C1orf185: variants seen among roughly 807,000 people sequenced by gnomAD.
C1orf185 encodes the protein chromosome 1 open reading frame 185, also known as uncharacterized protein C1orf185.
C1orf185 carries 13 observed loss-of-function variants against 16.1 expected under a neutral mutation model. The observed-to-expected ratio is 0.81, with a 90% CI of 0.53 to 1.28. C1orf185 has a LOEUF of 1.28. Ranked by LOEUF, C1orf185 falls within the 50% of genes most tolerant of loss-of-function variation. C1orf185 has a pLI of 0.00. For synonymous variants in C1orf185, 80 were observed against 76.9 expected (o/e 1.04, Z -0.21); for missense variants, 220 against 225.2 (o/e 0.98, Z 0.15).
chr1:51,137,092 G>A (rs1646330869), intron 3 of C1orf185, among the ~76,000 whole-genome samples: 1 of 152,110 alleles, frequency 6.6e-6, no homozygotes, highest in Non-Finnish European at 1.5e-5. Flanking sequence ...TAAAAAGTGA[G>A]GAAAGGACAT....
At chr1:51,132,266 A>G (rs1000761917) in intron 3 of C1orf185, among the ~76,000 whole-genome samples, 1 of 152,220 alleles carries the variant, frequency 6.6e-6, no homozygotes, top group Non-Finnish European at 1.5e-5. Flanking sequence ...CAGAAATAGA[A>G]TTCAGAATAT....
intron 4 of C1orf185, among the ~76,000 whole-genome samples, chr1:51,147,193 G>A (rs1646406195): frequency 6.6e-6 from 1 of 152,088 alleles, no homozygotes; most frequent in Non-Finnish European, 1.5e-5. Context: ...TTTAAAATAA[G>A]GCAATCAGTC....
chr1:51,105,383 T>A (rs559450123), intron 1 of C1orf185, among the ~76,000 whole-genome samples: 1 of 152,314 alleles, frequency 6.6e-6, no homozygotes, highest in African/African-American at 2.4e-5. Flanking sequence ...TTTCTATAGA[T>A]CTTCCTATGT....
downstream of C1orf185, among the ~76,000 whole-genome samples, chr1:51,150,109 T>C (rs979794123): frequency 2.6e-5 from 4 of 152,150 alleles, no homozygotes; most frequent in African/African-American, 9.7e-5. Context: ...CCTGACCAAA[T>C]TCTTGTTTAT....
At chr1:51,133,525 A>G (rs896454481) in intron 3 of C1orf185, among the ~76,000 whole-genome samples, 7 of 152,240 alleles carry the variant, frequency 4.6e-5, no homozygotes, top group African/African-American at 1.7e-4. Context: ...ATATCTATGC[A>G]CCCAACACAG....
intron 3 of C1orf185, among the ~76,000 whole-genome samples, chr1:51,131,654 T>A (rs1646286241): frequency 6.6e-6 from 1 of 152,112 alleles, no homozygotes; most frequent in Non-Finnish European, 1.5e-5. Flanking sequence ...AAAAAAAATT[T>A]AAAAAGATAG....
chr1:51,106,126 AT>A (rs1317432771), intron 1 of C1orf185, among the ~76,000 whole-genome samples: 1 of 152,162 alleles, frequency 6.6e-6, no homozygotes, highest in African/African-American at 2.4e-5. Flanking sequence ...TAAGTGGGCT[AT>A]AAACACAGTG....
At chr1:51,133,003 G>T (rs1352838324) in intron 3 of C1orf185, among the ~76,000 whole-genome samples, 1 of 152,106 alleles carries the variant, frequency 6.6e-6, no homozygotes, top group African/African-American at 2.4e-5. Context: ...TTTCAGACAA[G>T]CAAATTCTGA....
intron 3 of C1orf185, among the ~76,000 whole-genome samples, chr1:51,133,089 AC>A (rs1646297569): frequency 6.6e-6 from 1 of 151,746 alleles, no homozygotes. Flanking sequence ...AAAGACCCTT[AC>A]CAGCCACTAC....
chr1:51,124,081 GTTTTTTTTTT>G (rs893846873), intron 3 of C1orf185, among the ~76,000 whole-genome samples: 1 of 113,590 alleles, frequency 8.8e-6, no homozygotes, highest in African/African-American at 3.3e-5. Flanking sequence ...ACTGTAGTTT[GTTTTTTTTTT>G]TTTTTTTTTT....
At chr1:51,126,575 G>A (rs1204891518) in intron 3 of C1orf185, among the ~76,000 whole-genome samples, 1 of 152,138 alleles carries the variant, frequency 6.6e-6, no homozygotes, top group South Asian at 2.1e-4. Flanking sequence ...ACTGAAAAAT[G>A]TATATGTTTG....
At chr1:51,121,053 C>A (rs1646193814) in intron 3 of C1orf185, among the ~76,000 whole-genome samples, 1 of 152,034 alleles carries the variant, frequency 6.6e-6, no homozygotes, top group Non-Finnish European at 1.5e-5. Context: ...TGTGGAATGG[C>A]TAAATAATGT....
chr1:51,148,337 A>G (rs959386338), downstream of C1orf185, among the ~76,000 whole-genome samples: 19 of 152,036 alleles, frequency 1.2e-4, no homozygotes, highest in Non-Finnish European at 1.9e-4. Context: ...TGGCCAGGCT[A>G]GTCTCGAACT....
At chr1:51,128,452 G>A (rs942793433) in intron 3 of C1orf185, among the ~76,000 whole-genome samples, 23 of 150,210 alleles carry the variant, frequency 1.5e-4, no homozygotes, top group South Asian at 4.2e-4. Flanking sequence ...CGCACTTTGG[G>A]AGGCCAAGGT....
chr1:51,117,351 T>C (rs967509346), intron 2 of C1orf185, among the ~76,000 whole-genome samples: 1 of 152,190 alleles, frequency 6.6e-6, no homozygotes, highest in African/African-American at 2.4e-5. Flanking sequence ...AATTGATGAA[T>C]CTACATTAAC....
intron 3 of C1orf185, among the ~76,000 whole-genome samples, chr1:51,144,750 G>A (rs77732292): frequency 0.047 from 7,088 of 152,078 alleles, 518 homozygotes; most frequent in African/African-American, 0.16. Flanking sequence ...ATGAATAAAA[G>A]TATCCTAAAT....
At chr1:51,118,991 G>T (rs1236355113) in intron 3 of C1orf185, among the ~76,000 whole-genome samples, 190 bp downstream of exon 3, 1 of 152,134 alleles carries the variant, frequency 6.6e-6, no homozygotes, top group African/African-American at 2.4e-5. Flanking sequence ...TTCTACAGTT[G>T]TATCTTCATA....
intron 1 of C1orf185, among the ~76,000 whole-genome samples, chr1:51,103,448 C>A (rs894271049): frequency 1.1e-4 from 17 of 149,886 alleles, no homozygotes; most frequent in African/African-American, 4.0e-4. Flanking sequence ...CACACACACA[C>A]AAAAACCACG....
At chr1:51,106,217 A>C (rs1646070667) in intron 1 of C1orf185, among the ~76,000 whole-genome samples, 1 of 152,136 alleles carries the variant, frequency 6.6e-6, no homozygotes, top group Non-Finnish European at 1.5e-5. Flanking sequence ...AAATTTAAAA[A>C]AAATTTTTCT....
Sources: gnomAD v4.1 joint callset for allele counts (sites outside exome capture counted in the v4.1 genomes callset) on GRCh38, gnomAD v4.1.1 for gene constraint, MANE v1.5 for transcripts, NCBI Gene and HGNC (gene_info 2026-07-23, HGNC 2026-07-21) for gene names.